Variants in SNX29 observed in about 807,000 individuals in gnomAD.
SNX29 encodes the protein sorting nexin-29.
In SNX29, 78 loss-of-function variants were observed where a neutral mutation model predicts 102.1. That is an observed-to-expected ratio of 0.76 (90% CI 0.64 to 0.92). The LOEUF is 0.92. SNX29 is among the 40% of genes least tolerant of loss of function. The probability of loss-of-function intolerance (pLI) is 0.00; values close to 1 mark genes in which losing one functional copy is unlikely to be tolerated. For synonymous variants in SNX29, 580 were observed against 414.5 expected (o/e 1.40, Z -4.85); for missense variants, 1,280 against 1,061.7 (o/e 1.21, Z -2.86).
At chr16:12,059,657 G>A (rs1567169333) in intron 8 of SNX29, among the ~76,000 whole-genome samples, 3 of 152,100 alleles carry the variant, frequency 2.0e-5, no homozygotes, top group South Asian at 4.1e-4. Flanking sequence ...GACCAAACCC[G>A]CCCCCAAGCA....
chr16:12,125,614 T>C (rs1406722287), intron 11 of SNX29, among the ~76,000 whole-genome samples: 2 of 36,834 alleles, frequency 5.4e-5, no homozygotes, highest in East Asian at 2.0e-3. Context: ...TCTTTTTTTT[T>C]TTTTTTTTTT....
At chr16:12,550,544 AAAAC>A (rs1185370680) in intron 20 of SNX29, among the ~76,000 whole-genome samples, 75 of 152,164 alleles carry the variant, frequency 4.9e-4, no homozygotes, top group African/African-American at 1.7e-3. Flanking sequence ...AAAAAAAAAA[AAAAC>A]CAAACACCAA....
intron 18 of SNX29, among the ~76,000 whole-genome samples, chr16:12,424,671 A>C (rs531738292): frequency 4.6e-5 from 7 of 152,306 alleles, no homozygotes; most frequent in Non-Finnish European, 1.0e-4. Flanking sequence ...GCTATTATTT[A>C]TTTTGATTGT....
chr16:12,305,138 G>C (rs942985204), intron 15 of SNX29, among the ~76,000 whole-genome samples: 2 of 152,200 alleles, frequency 1.3e-5, no homozygotes, highest in South Asian at 4.1e-4. Context: ...AAATCTGTGG[G>C]AACTAGAATT....
At position 12,526,790 on chromosome 16, in the gene SNX29, C is replaced by T. The variant is rs531161181; in HGVS notation, c.2318+1949C>T. On this transcript the variant is annotated intron_variant, in intron 20 of 20. Transcript: ENST00000566228. The stretch of plus-strand genomic sequence containing the variant: ...GCAAGTCAGTGTCCCCCACCCCCTG[C>T]GGGGTCCACAGCCCAGGCATCTCCG... The T allele has an allele frequency of 4.3e-4, 181 of 419,448 alleles. 3 individuals carry two copies. The highest frequency in any genetic ancestry group is 3.7e-3 in the South Asian group (170 of 45,520). 26.0% of individuals were successfully genotyped at this position (419,448 alleles called of 1,614,324 possible).
In SNX29 at chr16:12,212,822, A is replaced by C. The variant is rs551698704; in HGVS notation, c.1678+13139A>C. ...ATGTATACATCATACAATACTACTC[A>C]GTCATAAAGGGCTGGGCGCTGTGGC... is the stretch of plus-strand genomic sequence containing the variant. On this transcript the variant is annotated intron_variant, in intron 14 of 20. Transcript: ENST00000566228. Among the ~76,000 whole-genome samples the C allele has an allele frequency of 3.4e-3, 514 of 152,358 alleles. 2 individuals are homozygous for C. Among genetic ancestry groups the C allele is most frequent in the South Asian group, 7.9e-3 (38 of 4,830 alleles).
rs76042295 is a variant in SNX29 at position 12,572,503 on chromosome 16, T to G, written c.*3874T>G. On this transcript the variant is annotated 3_prime_UTR_variant, in exon 21 of 21. Transcript: ENST00000566228. ...GTTCTTGGGGTTCCAGGCCTCGGCCTTCCTGCTCCACGTGCTCAAGCCCCC... is the reference window on the plus strand; with the variant it reads ...GTTCTTGGGGTTCCAGGCCTCGGCCGTCCTGCTCCACGTGCTCAAGCCCCC... 6.6e-6 allele frequency: 7 copies of G among 1,063,702 alleles called. No individual in the cohort carries two copies. The highest frequency in any genetic ancestry group is 5.7e-6 in the Non-Finnish European group (5 of 878,324). The allele number at this position is 1,063,702 out of a possible 1,614,324, so 65.9% of individuals were successfully genotyped here.
intron 16 of SNX29, among the ~76,000 whole-genome samples, chr16:12,397,037 C>T (rs547048706): frequency 2.6e-5 from 4 of 152,314 alleles, no homozygotes; most frequent in East Asian, 3.9e-4. Context: ...AGGCTTCTGC[C>T]GCCATGCCTG....
intron 1 of SNX29, among the ~76,000 whole-genome samples, chr16:11,980,451 GAAT>G (rs1468081558): frequency 2.0e-5 from 3 of 152,166 alleles, no homozygotes; most frequent in Non-Finnish European, 4.4e-5. Flanking sequence ...TAGCTGTTCT[GAAT>G]AATAATGCTG....
chr16:12,528,872 G>T (rs1051607266), intron 20 of SNX29, among the ~76,000 whole-genome samples: 1 of 152,258 alleles, frequency 6.6e-6, no homozygotes, highest in Non-Finnish European at 1.5e-5. Context: ...AACTGAGAAG[G>T]TGGGCAGGAA....
At chr16:12,470,081 C>T (rs1312158306) in intron 18 of SNX29, among the ~76,000 whole-genome samples, 2 of 152,254 alleles carry the variant, frequency 1.3e-5, no homozygotes, top group Non-Finnish European at 2.9e-5. Flanking sequence ...ACATGTCTGG[C>T]ACCTGACAGG....
intron 15 of SNX29, among the ~76,000 whole-genome samples, chr16:12,348,510 G>C (rs576409316): frequency 6.6e-6 from 1 of 152,158 alleles, no homozygotes; most frequent in South Asian, 2.1e-4. Context: ...CATTCACTGT[G>C]GCGTTGACAG....
intron 20 of SNX29, among the ~76,000 whole-genome samples, chr16:12,541,634 C>A (rs748115311): frequency 3.9e-5 from 6 of 152,180 alleles, no homozygotes; most frequent in African/African-American, 1.2e-4. Flanking sequence ...GGGTCCATCG[C>A]ATCTTCGTTC....
At chr16:12,515,182 T>G (rs557348085) in intron 19 of SNX29, among the ~76,000 whole-genome samples, 1 of 152,116 alleles carries the variant, frequency 6.6e-6, no homozygotes, top group East Asian at 1.9e-4. Context: ...TTCTCCCCTA[T>G]GGAAGACCTT....
At chr16:12,453,634 G>C (rs994889981) in intron 18 of SNX29, among the ~76,000 whole-genome samples, 1 of 152,032 alleles carries the variant, frequency 6.6e-6, no homozygotes, top group African/African-American at 2.4e-5. Flanking sequence ...TTGTGCCTCA[G>C]CCTCCCAAAT....
intron 19 of SNX29, among the ~76,000 whole-genome samples, chr16:12,499,746 T>C (rs934188852): frequency 7.2e-5 from 11 of 152,178 alleles, no homozygotes; most frequent in Non-Finnish European, 1.5e-5. Flanking sequence ...CAATCACGGC[T>C]CACTTGCAGC....
intron 14 of SNX29, among the ~76,000 whole-genome samples, chr16:12,257,734 C>T (rs931927495): frequency 6.7e-6 from 1 of 149,380 alleles, no homozygotes; most frequent in Admixed American, 6.7e-5. Flanking sequence ...CTCTGCATTG[C>T]CTAGGCTGGT....
intron 20 of SNX29, among the ~76,000 whole-genome samples, chr16:12,537,858 G>A (rs528101380): frequency 5.8e-4 from 88 of 152,156 alleles, no homozygotes; most frequent in African/African-American, 1.9e-3. Context: ...GGTGGCTCAC[G>A]CTTATAGTCC....
At chr16:12,286,726 C>G (rs1369371001) in intron 15 of SNX29, among the ~76,000 whole-genome samples, 1 of 152,082 alleles carries the variant, frequency 6.6e-6, no homozygotes, top group Non-Finnish European at 1.5e-5. Context: ...TCTATGTACC[C>G]ATCACCTGGC....
Sources: gnomAD v4.1 joint callset for allele counts (sites outside exome capture counted in the v4.1 genomes callset) on GRCh38, gnomAD v4.1.1 for gene constraint, MANE v1.5 for transcripts, NCBI Gene and HGNC (gene_info 2026-07-23, HGNC 2026-07-21) for gene names.